HEXB: variants seen among roughly 807,000 people sequenced by gnomAD.
HEXB encodes the protein beta-hexosaminidase subunit beta.
A neutral mutation model predicts 71.2 loss-of-function variants in HEXB; 51 were observed. That is an observed-to-expected ratio of 0.72 (90% CI 0.57 to 0.90). The LOEUF (loss-of-function observed/expected upper bound fraction) is 0.90. Ranked by LOEUF, HEXB falls within the 40% of genes least tolerant of loss-of-function variation. The pLI, the probability that HEXB is intolerant of heterozygous loss-of-function variation, is 0.00. For missense variants in HEXB, 617 were observed against 677.0 expected (o/e 0.91, Z 0.98); for synonymous variants, 266 against 249.3 (o/e 1.07, Z -0.63).
intron 13 of HEXB, 53 bp downstream of exon 13, chr5:74,720,800 G>A (rs1219082458): frequency 3.6e-6 from 5 of 1,376,522 alleles, no homozygotes; most frequent in Non-Finnish European, 1.0e-6. Flanking sequence ...TTCAGTGTTA[G>A]TTTCTTTTGC....
chr5:74,646,703 G>A (rs1471827189), intron 1 of HEXB, among the ~76,000 whole-genome samples: 3 of 151,992 alleles, frequency 2.0e-5, no homozygotes, highest in African/African-American at 7.3e-5. Context: ...GAGTAGCTGG[G>A]ATTACAGGCG....
rs558110104 is a variant in HEXB at position 74,653,645 on chromosome 5, T to C, written c.-377+13087T>C. Among the ~76,000 whole-genome samples the C allele has an allele frequency of 2.6e-5, 4 of 152,304 alleles. No individual in the cohort carries two copies. In the South Asian group the frequency reaches 8.3e-4, roughly 32 times the overall value. On this transcript the variant is annotated intron_variant, in intron 1 of 13. Coordinates refer to the HEXB transcript ENST00000511181. ...GCTTTCATAGGAGTTGTGATGTTGA[T>C]GTCATAGTTACTTTTGGCCAAAAGT...
rs79211251 is a variant in HEXB, at chr5:74,686,799, T to C, written c.299+1240T>C. Among the ~76,000 whole-genome samples the C allele has an allele frequency of 1.2e-4, 18 of 152,298 alleles. 1 individual carries two copies. The South Asian group carries it at 3.5e-3, about 30-fold the overall frequency. ...CATTGGGATATTCAGAAAGATTGCA[T>C]GGAAAGTACATGAAGGTTGTCTCAG... On this transcript the variant is annotated intron_variant, in intron 1 of 13. Coordinates refer to ENST00000261416, the MANE Select transcript of HEXB (RefSeq NM_000521.4).
At chr5:74,649,860 C>G (rs1748070778) in intron 1 of HEXB, among the ~76,000 whole-genome samples, 2 of 152,198 alleles carry the variant, frequency 1.3e-5, no homozygotes, top group African/African-American at 2.4e-5. Context: ...AATCAAATTG[C>G]TCTTTTAAAT....
At chr5:74,702,412 G>T (rs1174397905) in intron 5 of HEXB, among the ~76,000 whole-genome samples, 1 of 152,142 alleles carries the variant, frequency 6.6e-6, no homozygotes, top group Non-Finnish European at 1.5e-5. Context: ...TTTTTGAAGA[G>T]TATAGGCCAG....
chr5:74,656,755 G>A (rs1748227943), intron 1 of HEXB, among the ~76,000 whole-genome samples: 1 of 152,062 alleles, frequency 6.6e-6, no homozygotes, highest in Non-Finnish European at 1.5e-5. Flanking sequence ...GGGATTACAG[G>A]CACATGCCAC....
intron 2 of HEXB, among the ~76,000 whole-genome samples, chr5:74,691,854 T>G (rs1255067819): frequency 6.6e-6 from 1 of 152,234 alleles, no homozygotes; most frequent in African/African-American, 2.4e-5. Flanking sequence ...CAGAATGGGC[T>G]AACTGAAAAG....
chr5:74,654,001 C>A (rs1748170832), intron 1 of HEXB, among the ~76,000 whole-genome samples: 1 of 152,028 alleles, frequency 6.6e-6, no homozygotes, highest in South Asian at 2.1e-4. Context: ...TGTCACTTAT[C>A]CTATGGACGC....
intron 7 of HEXB, among the ~76,000 whole-genome samples, chr5:74,714,091 T>C (rs1420796521): frequency 6.6e-6 from 1 of 152,238 alleles, no homozygotes; most frequent in Non-Finnish European, 1.5e-5. Context: ...CGCCTCGGCC[T>C]CCCAAAGTGT....
Position 74,718,855 on chromosome 5 carries a change from G to C in HEXB, c.1301G>C (p.Ser434Thr). ...WKDSAYPEEL[S>T]RVTASGFPVI... is the part of the protein sequence containing the mutation. Reference sequence around the variant, plus strand: ...GACAGCGCATATCCTGAGGAACTCAGTAGAGTCACAGCATCTGGCTTCCCT... The same window carrying C: ...GACAGCGCATATCCTGAGGAACTCACTAGAGTCACAGCATCTGGCTTCCCT... Residue 434 changes from serine (S) to threonine (T), a missense_variant, in exon 11 of 14, where the codon AGT (serine) becomes ACT (threonine). Physicochemically the swap from Ser to Thr is moderately conservative, Grantham distance 58. Transcript: ENST00000261416. 1 of 1,614,124 alleles carries C rather than the reference G, an allele frequency of 6.2e-7. No homozygotes were observed. Among genetic ancestry groups the C allele is most frequent in the Non-Finnish European group, 8.5e-7 (1 of 1,179,972 alleles).
intron 8 of HEXB, 25 bp downstream of exon 8, chr5:74,715,715 T>TAA (rs199855096): frequency 1.8e-4 from 259 of 1,417,036 alleles, no homozygotes; most frequent in African/African-American, 3.5e-4. Flanking sequence ...TAAAACCCCT[T>TAA]TAAAAAAAAA....
chr5:74,662,460 G>T (rs1483160680), intron 1 of HEXB, among the ~76,000 whole-genome samples: 1 of 152,044 alleles, frequency 6.6e-6, no homozygotes. Flanking sequence ...TATTGTTGAG[G>T]TTTGCTTCCT....
chr5:74,718,875 T>C lies in HEXB; in HGVS notation c.1321T>C (p.Phe441Leu), dbSNP rs375861361. ...EELSRVTASG[F>L]PVILSAPWYL... Reference sequence around the variant, plus strand: ...ACTCAGTAGAGTCACAGCATCTGGCTTCCCTGTAATCCTTTCTGCTCCTTG... The same window carrying C: ...ACTCAGTAGAGTCACAGCATCTGGCCTCCCTGTAATCCTTTCTGCTCCTTG... Residue 441 changes from phenylalanine to leucine, a missense_variant, in exon 11 of 14, where the codon TTC becomes CTC. Transcript: ENST00000261416. The C allele has an allele frequency of 1.2e-6, 2 of 1,613,952 alleles. No individual in the cohort carries two copies. The highest frequency in any genetic ancestry group is 2.7e-5 in the African/African-American group (2 of 74,932).
At chr5:74,698,351 G>C (rs1308202984) in intron 5 of HEXB, among the ~76,000 whole-genome samples, 1 of 151,520 alleles carries the variant, frequency 6.6e-6, no homozygotes, top group East Asian at 1.9e-4. Context: ...TGGGATTGCA[G>C]GTGTGAGCCA....
rs199904806 is a variant in HEXB at position 74,670,682 on chromosome 5, G to A, written c.-376-18646G>A. On this transcript the variant is annotated intron_variant, in intron 1 of 13. Transcript: ENST00000511181. ...ATGGCAAGACTAAAAGAGCTAATTA[G>A]CACTCTGTAACACCCCCTCTGGGAC... Among the ~76,000 whole-genome samples, 11 of 152,298 alleles carry A rather than the reference G, an allele frequency of 7.2e-5. No individual in the cohort carries two copies. In the East Asian group the frequency reaches 2.1e-3, roughly 29 times the overall value.
chr5:74,687,987 C>T (rs1349969546), intron 1 of HEXB, among the ~76,000 whole-genome samples: 1 of 152,106 alleles, frequency 6.6e-6, no homozygotes. Context: ...GCCCTGAAGC[C>T]TATCTGATCT....
At chr5:74,663,483 G>T (rs1385940766) in intron 1 of HEXB, among the ~76,000 whole-genome samples, 3 of 152,134 alleles carry the variant, frequency 2.0e-5, no homozygotes, top group African/African-American at 7.2e-5. Flanking sequence ...GAGCCACCGT[G>T]CCTGGCAAAA....
intron 7 of HEXB, among the ~76,000 whole-genome samples, chr5:74,714,830 G>A (rs1310471078): frequency 6.6e-6 from 1 of 152,200 alleles, no homozygotes; most frequent in Non-Finnish European, 1.5e-5. Context: ...AAGCACATTA[G>A]CGGGCCTTTG....
chr5:74,690,649 C>CAAAAAAA (rs60786265), intron 2 of HEXB, among the ~76,000 whole-genome samples: 1 of 59,748 alleles, frequency 1.7e-5, no homozygotes, highest in Non-Finnish European at 3.0e-5. Flanking sequence ...GAGACAGTCT[C>CAAAAAAA]AAAAAAAAAA....
Sources: allele counts gnomAD v4.1 joint callset (sites outside exome capture counted in the v4.1 genomes callset), GRCh38; gene constraint gnomAD v4.1.1; transcripts MANE v1.5; gene names NCBI Gene and HGNC (gene_info 2026-07-23, HGNC 2026-07-21).